The following BBS9 variants were observed in gnomAD, a reference collection of about 807,000 sequenced individuals.
BBS9 encodes the protein protein PTHB1.
A neutral mutation model predicts 117.7 loss-of-function variants in BBS9; 89 were observed. The ratio of observed to expected loss-of-function variants is 0.76; its 90% confidence interval spans 0.64 to 0.90. BBS9 has a LOEUF of 0.90. Among genes scored for constraint, BBS9 ranks in the 40% least tolerant of loss-of-function variants. The pLI is 0.00. For synonymous variants in BBS9, 379 were observed against 370.9 expected (o/e 1.02, Z -0.25); for missense variants, 982 against 1,042.2 (o/e 0.94, Z 0.80).
intron 19 of BBS9, among the ~76,000 whole-genome samples, chr7:33,453,652 G>C (rs1302056395): frequency 6.6e-6 from 1 of 151,660 alleles, no homozygotes; most frequent in Non-Finnish European, 1.5e-5. Flanking sequence ...CTCCCGAGTA[G>C]CTAGGATTAC....
chr7:33,263,099 C>T (rs1326384295), intron 6 of BBS9, among the ~76,000 whole-genome samples: 1 of 46,726 alleles, frequency 2.1e-5, no homozygotes, highest in Non-Finnish European at 4.6e-5. Context: ...ATTACGTTTT[C>T]ATATTAATAA....
Position 33,264,296 on chromosome 7 carries a change from G to A in BBS9, c.624G>A (p.Gln208=), listed in dbSNP as rs1798437567. Reference sequence around the variant, plus strand: ...TTAAATTTCTTTCATACAGGTACCAGGTACTTGCTTTTGCAACAGATGCAG... The same window carrying A: ...TTAAATTTCTTTCATACAGGTACCAAGTACTTGCTTTTGCAACAGATGCAG... The part of the protein sequence containing the change: ...SCQQVESYKY[Q]VLAFATDADK... The change falls in exon 7 of 23, where the codon CAG becomes CAA. Residue 208 remains glutamine (Q), a synonymous_variant. Transcript: ENST00000242067. 6.5e-7 allele frequency: 1 copy of A among 1,538,196 alleles called. No homozygotes were observed. Among genetic ancestry groups the A allele is most frequent in the South Asian group, 1.4e-5 (1 of 73,528 alleles).
In BBS9 at chr7:33,217,985, A is replaced by T. The variant is rs114451476; in HGVS notation, c.443-39251A>T. On this transcript the variant is annotated intron_variant, in intron 5 of 22. Transcript: ENST00000242067. ...AACAGAAGTATAAAAAGGTCATAGG[A>T]TGAAAACATTAAATTGTGTATACAA... Among the ~76,000 whole-genome samples, 732 of 152,362 alleles carry T rather than the reference A, an allele frequency of 4.8e-3. 9 individuals carry two copies. The highest frequency in any genetic ancestry group is 0.017 in the African/African-American group (704 of 41,580).
chr7:33,494,116 C>A (rs1393419313), intron 19 of BBS9, among the ~76,000 whole-genome samples: 3 of 152,020 alleles, frequency 2.0e-5, no homozygotes, highest in Non-Finnish European at 2.9e-5. Flanking sequence ...GACTCTAGAC[C>A]GATGGATCTC....
rs1167879309 is a variant in BBS9 at position 33,590,464 on chromosome 7, T to TTTGTTTTTGTTTTTG, written c.2522-14399_2522-14398insGTTTTTGTTTTTGTT. 1.5e-3 allele frequency among the ~76,000 whole-genome samples: 225 copies of TTTGTTTTTGTTTTTG among 147,112 alleles called. 1 individual carries two copies. Among genetic ancestry groups the TTTGTTTTTGTTTTTG allele is most frequent in the African/African-American group, 4.4e-3 (178 of 40,138 alleles). ...GTTTGTTTTTTTGTTTTTTTGTTTTTTTTTTTTTTTTTTACCAGATCAGAC... is the reference window on the plus strand; with the variant it reads ...GTTTGTTTTTTTGTTTTTTTGTTTTTTTGTTTTTGTTTTTGTTTTTTTTTTTTTACCAGATCAGAC... On this transcript the variant is annotated intron_variant, in intron 21 of 22. Coordinates refer to ENST00000242067, the MANE Select transcript of BBS9 (RefSeq NM_198428.3).
At chr7:33,634,848 G>A (rs1334659329) in intron 21 of BBS9, among the ~76,000 whole-genome samples, 1 of 152,168 alleles carries the variant, frequency 6.6e-6, no homozygotes, top group Non-Finnish European at 1.5e-5. Flanking sequence ...TGGGCTAAAT[G>A]ACGACATCAA....
In BBS9 at chr7:33,430,960, G is replaced by C. The variant is rs935813412; in HGVS notation, c.2115+42816G>C. ...TCTCAGCATTTTGGGAGGCTGAGGC[G>C]GGTGGATCGCTTGAACTCAGGAGTT... On this transcript the variant is annotated intron_variant, in intron 19 of 22. Transcript: ENST00000242067. Among the ~76,000 whole-genome samples the C allele has an allele frequency of 3.3e-5, 5 of 152,012 alleles. No homozygotes were observed. The East Asian group carries it at 9.7e-4, about 29-fold the overall frequency.
intron 3 of BBS9, among the ~76,000 whole-genome samples, chr7:33,154,638 G>T (rs911204773): frequency 6.6e-6 from 1 of 151,952 alleles, no homozygotes; most frequent in African/African-American, 2.4e-5. Context: ...GCTAATTTTT[G>T]TATTTTTAGT....
At chr7:33,585,272 AC>A (rs1178590340) in intron 21 of BBS9, among the ~76,000 whole-genome samples, 1 of 151,938 alleles carries the variant, frequency 6.6e-6, no homozygotes, top group Non-Finnish European at 1.5e-5. Context: ...ATTTTCCCAA[AC>A]CCTTTCACTT....
At chr7:33,324,321 A>G (rs1225956999) in intron 9 of BBS9, among the ~76,000 whole-genome samples, 2 of 152,208 alleles carry the variant, frequency 1.3e-5, no homozygotes, top group Non-Finnish European at 2.9e-5. Context: ...TAAACAAGCA[A>G]ACAAATCAAA....
At chr7:33,343,941 G>C (rs1817047669) in intron 11 of BBS9, among the ~76,000 whole-genome samples, 1 of 152,026 alleles carries the variant, frequency 6.6e-6, no homozygotes, top group African/African-American at 2.4e-5. Flanking sequence ...ATATTTTTCT[G>C]GGACATACAG....
chr7:33,545,480 G>C (rs953489825), intron 21 of BBS9, among the ~76,000 whole-genome samples: 4 of 152,130 alleles, frequency 2.6e-5, no homozygotes, highest in African/African-American at 9.7e-5. Context: ...AGTTTCTGCA[G>C]TGGGGGTGTG....
intron 20 of BBS9, among the ~76,000 whole-genome samples, chr7:33,529,453 A>G (rs1850219438): frequency 6.6e-6 from 1 of 152,134 alleles, no homozygotes; most frequent in Admixed American, 6.5e-5. Context: ...ACAAAGGAAA[A>G]CCCAGTTATC....
At chr7:33,580,004 T>C (rs1859607990) in intron 21 of BBS9, among the ~76,000 whole-genome samples, 1 of 152,184 alleles carries the variant, frequency 6.6e-6, no homozygotes, top group South Asian at 2.1e-4. Flanking sequence ...TTAAAACCAA[T>C]TTATTTATGA....
intron 9 of BBS9, among the ~76,000 whole-genome samples, chr7:33,301,043 TATAATTA>T (rs1379242593): frequency 7.2e-5 from 11 of 152,200 alleles, no homozygotes; most frequent in Admixed American, 3.9e-4. Context: ...GCTATATTAT[TATAATTA>T]TTACTTCTTT....
At chr7:33,425,022 C>T (rs1011265412) in intron 19 of BBS9, among the ~76,000 whole-genome samples, 6 of 152,112 alleles carry the variant, frequency 3.9e-5, no homozygotes, top group African/African-American at 7.2e-5. Flanking sequence ...GAAGTGATCA[C>T]ATTCTATTTT....
At chr7:33,470,912 G>A (rs1840930259) in intron 19 of BBS9, among the ~76,000 whole-genome samples, 1 of 151,938 alleles carries the variant, frequency 6.6e-6, no homozygotes, top group Non-Finnish European at 1.5e-5. Flanking sequence ...AAGATGGGAG[G>A]GATAGAAAAC....
intron 19 of BBS9, among the ~76,000 whole-genome samples, chr7:33,448,756 A>G (rs2128911440): frequency 6.6e-6 from 1 of 152,334 alleles, no homozygotes; most frequent in Non-Finnish European, 1.5e-5. Flanking sequence ...GCAAATCTAA[A>G]TGTTCCCTGA....
chr7:33,513,052 A>C (rs891914850), intron 20 of BBS9, among the ~76,000 whole-genome samples: 2 of 152,176 alleles, frequency 1.3e-5, no homozygotes, highest in Admixed American at 1.3e-4. Context: ...ATTGAACTCC[A>C]GTGCCAGGCA....
Sources: allele counts gnomAD v4.1 joint callset (sites outside exome capture counted in the v4.1 genomes callset), GRCh38; gene constraint gnomAD v4.1.1; transcripts MANE v1.5; gene names NCBI Gene and HGNC (gene_info 2026-07-23, HGNC 2026-07-21).